Variants in CDKAL1 observed in about 807,000 individuals in gnomAD.
CDKAL1 encodes the protein CDKAL1 threonylcarbamoyladenosine tRNA methylthiotransferase, also known as threonylcarbamoyladenosine tRNA methylthiotransferase.
Under a neutral mutation model 68.2 loss-of-function variants are expected in CDKAL1, and 32 were observed. The observed-to-expected ratio is 0.47, with a 90% confidence interval of 0.35 to 0.63. The LOEUF (loss-of-function observed/expected upper bound fraction) is 0.63, where lower values mean the gene tolerates loss of function less well. Ranked by LOEUF, CDKAL1 falls within the 30% of genes least tolerant of loss-of-function variation. CDKAL1 has a pLI of 0.00. For synonymous variants in CDKAL1, 234 were observed against 244.3 expected (o/e 0.96, Z 0.39); for missense variants, 606 against 696.7 (o/e 0.87, Z 1.47).
chr6:20,978,574 G>T (rs1390729594), intron 10 of CDKAL1, among the ~76,000 whole-genome samples: 1 of 152,166 alleles, frequency 6.6e-6, no homozygotes, highest in Non-Finnish European at 1.5e-5. Flanking sequence ...ATGCTGTAAA[G>T]TTGAGCTGTA....
At chr6:21,199,881 A>G in intron 14 of CDKAL1, among the ~76,000 whole-genome samples, 1 of 152,234 alleles carries the variant, frequency 6.6e-6, no homozygotes. Context: ...ACTTTGATGA[A>G]GCAGTGTACT....
chr6:20,822,927 A>T (rs1287795952), intron 8 of CDKAL1, among the ~76,000 whole-genome samples: 1 of 152,160 alleles, frequency 6.6e-6, no homozygotes, highest in Non-Finnish European at 1.5e-5. Flanking sequence ...GTACAAATAC[A>T]CTCAGTGTGT....
At chr6:20,837,356 G>A (rs993101049) in intron 8 of CDKAL1, among the ~76,000 whole-genome samples, 6 of 151,784 alleles carry the variant, frequency 4.0e-5, no homozygotes, top group Non-Finnish European at 7.4e-5. Flanking sequence ...TATCCCAGGC[G>A]CCAAAATATG....
rs570965319 is a variant in CDKAL1, at chr6:20,655,692, C to T, written c.371+6315C>T. Among the ~76,000 whole-genome samples the T allele has an allele frequency of 2.0e-5, 3 of 152,234 alleles. No individual in the cohort carries two copies. In the South Asian group the frequency reaches 6.2e-4, roughly 32 times the overall value. On this transcript the variant is annotated intron_variant, in intron 5 of 15. Coordinates refer to ENST00000274695, the MANE Select transcript of CDKAL1 (RefSeq NM_017774.3). ...GGAACAGTTTCACCCCAACACCACA[C>T]CTCCCACCCCCGGTCTGTGGAAAAA...
chr6:21,134,058 G>A (rs1054535667), intron 13 of CDKAL1, among the ~76,000 whole-genome samples: 5 of 152,136 alleles, frequency 3.3e-5, no homozygotes, highest in African/African-American at 1.2e-4. Flanking sequence ...CATTTGCCGG[G>A]GTCGTGGGGG....
chr6:20,924,005 C>G (rs977802327), intron 9 of CDKAL1, among the ~76,000 whole-genome samples: 8 of 151,394 alleles, frequency 5.3e-5, no homozygotes, highest in African/African-American at 1.7e-4. Flanking sequence ...GAGTAAGACC[C>G]TGTCTCTAGA....
At chr6:20,782,380 T>C (rs1370407529) in intron 8 of CDKAL1, among the ~76,000 whole-genome samples, 1 of 152,246 alleles carries the variant, frequency 6.6e-6, no homozygotes, top group Non-Finnish European at 1.5e-5. Flanking sequence ...AAGCAGAATT[T>C]AACAGTGAGA....
chr6:21,179,414 C>T (rs1010287314), intron 13 of CDKAL1, among the ~76,000 whole-genome samples: 5 of 152,142 alleles, frequency 3.3e-5, no homozygotes, highest in Non-Finnish European at 5.9e-5. Context: ...CATGAGGACA[C>T]CTATACAGGG....
chr6:21,142,943 A>C (rs562164960), intron 13 of CDKAL1, among the ~76,000 whole-genome samples: 1 of 152,350 alleles, frequency 6.6e-6, no homozygotes, highest in Admixed American at 6.5e-5. Flanking sequence ...TTTACTTACA[A>C]GAGTTCTAAC....
chr6:20,953,732 C>G (rs936959796), intron 9 of CDKAL1, among the ~76,000 whole-genome samples: 2 of 152,116 alleles, frequency 1.3e-5, no homozygotes, highest in Non-Finnish European at 2.9e-5. Flanking sequence ...TAAAAATAGC[C>G]TATGGACATG....
At chr6:20,821,278 G>A (rs1394949244) in intron 8 of CDKAL1, among the ~76,000 whole-genome samples, 1 of 152,024 alleles carries the variant, frequency 6.6e-6, no homozygotes, top group Non-Finnish European at 1.5e-5. Context: ...CGTGAAGTCC[G>A]AATGGAAGAA....
At chr6:21,138,659 G>T (rs1775742059) in intron 13 of CDKAL1, among the ~76,000 whole-genome samples, 1 of 151,908 alleles carries the variant, frequency 6.6e-6, no homozygotes, top group South Asian at 2.1e-4. Context: ...TAATTTCTTG[G>T]ATAATATGTT....
chr6:20,951,381 T>C (rs1417057303), intron 9 of CDKAL1, among the ~76,000 whole-genome samples: 1 of 152,358 alleles, frequency 6.6e-6, no homozygotes, highest in East Asian at 1.9e-4. Context: ...GAGGATTTTC[T>C]TTGTGGTGAG....
intron 9 of CDKAL1, among the ~76,000 whole-genome samples, chr6:20,895,937 A>T (rs1434880755): frequency 6.6e-6 from 1 of 152,066 alleles, no homozygotes; most frequent in East Asian, 1.9e-4. Context: ...AGCCTCTGAT[A>T]TGCCACCACT....
intron 8 of CDKAL1, among the ~76,000 whole-genome samples, chr6:20,811,724 G>C (rs1776825427): frequency 6.6e-6 from 1 of 151,120 alleles, no homozygotes; most frequent in Non-Finnish European, 1.5e-5. Flanking sequence ...CTAATCTGCG[G>C]GTTATGTGTT....
chr6:21,221,189 T>C (rs1295203222), intron 15 of CDKAL1, among the ~76,000 whole-genome samples: 1 of 151,972 alleles, frequency 6.6e-6, no homozygotes, highest in African/African-American at 2.4e-5. Flanking sequence ...TAAAATGTAA[T>C]TGTGATAGAG....
chr6:21,091,848 C>T (rs941347721), intron 12 of CDKAL1, among the ~76,000 whole-genome samples: 3 of 137,184 alleles, frequency 2.2e-5, no homozygotes, highest in South Asian at 2.3e-4. Flanking sequence ...GCAACAGGCT[C>T]AGAACTTTCT....
intron 9 of CDKAL1, among the ~76,000 whole-genome samples, chr6:20,905,798 A>C (rs190692391): frequency 2.0e-5 from 3 of 152,250 alleles, no homozygotes; most frequent in African/African-American, 7.2e-5. Context: ...GAAAAAAGAA[A>C]AAAACAAAAC....
At chr6:20,582,531 A>G (rs1044847956) in intron 4 of CDKAL1, among the ~76,000 whole-genome samples, 3 of 152,114 alleles carry the variant, frequency 2.0e-5, no homozygotes, top group South Asian at 4.1e-4. Context: ...TTTCCTCTCT[A>G]GAACCTCTTT....
Sources: allele counts gnomAD v4.1 joint callset (sites outside exome capture counted in the v4.1 genomes callset), GRCh38; gene constraint gnomAD v4.1.1; transcripts MANE v1.5; gene names NCBI Gene and HGNC (gene_info 2026-07-23, HGNC 2026-07-21).